GPR39: variants seen among roughly 807,000 people sequenced by gnomAD.
GPR39 encodes G protein-coupled receptor 39, also known as zinc sensing receptor.
Under a neutral mutation model 18.4 loss-of-function variants are expected in GPR39, and 23 were observed. The ratio of observed to expected loss-of-function variants is 1.25; its 90% CI spans 0.90 to 1.77. The LOEUF (loss-of-function observed/expected upper bound fraction) is 1.77. Ranked by LOEUF, GPR39 falls within the 40% of genes most tolerant of loss-of-function variation. The probability of loss-of-function intolerance (pLI) is 0.00; values close to 1 mark genes in which losing one functional copy is unlikely to be tolerated. For synonymous variants in GPR39, 280 were observed against 257.9 expected (o/e 1.09, Z -0.82); for missense variants, 647 against 602.4 (o/e 1.07, Z -0.78).
At chr2:132,454,381 G>T (rs974313754) in intron 1 of GPR39, among the ~76,000 whole-genome samples, 6 of 152,166 alleles carry the variant, frequency 3.9e-5, no homozygotes, top group Admixed American at 1.3e-4. Context: ...GAGATTTTGG[G>T]CTGAGATGAT....
intron 1 of GPR39, among the ~76,000 whole-genome samples, chr2:132,617,941 A>C (rs188160422): frequency 3.3e-5 from 5 of 152,200 alleles, no homozygotes; most frequent in Non-Finnish European, 7.3e-5. Context: ...GGCCAGCTCC[A>C]AAAGTCAGAA....
chr2:132,604,331 G>A (rs1201046879), intron 1 of GPR39: 4 of 152,158 alleles, frequency 2.6e-5, no homozygotes, highest in African/African-American at 7.2e-5. Flanking sequence ...TTAAACTACC[G>A]AAGCTCTGAG....
At chr2:132,635,659 T>C (rs556065002) in intron 1 of GPR39, among the ~76,000 whole-genome samples, 8 of 152,138 alleles carry the variant, frequency 5.3e-5, no homozygotes, top group African/African-American at 1.7e-4. Context: ...TAGCAGGTCA[T>C]GGGGCCTGGG....
intron 1 of GPR39, among the ~76,000 whole-genome samples, chr2:132,424,534 T>A (rs1224292868): frequency 6.6e-6 from 1 of 152,144 alleles, no homozygotes; most frequent in Admixed American, 6.5e-5. Flanking sequence ...AGCCAGACTT[T>A]GTGAAGGATG....
chr2:132,462,347 TTTTGCAGGC>T (rs146768210), intron 1 of GPR39, among the ~76,000 whole-genome samples: 5,585 of 152,182 alleles, frequency 0.037, 315 homozygotes, highest in African/African-American at 0.12. Context: ...GTTTGAATAA[TTTTGCAGGC>T]TGGCACAGAA....
intron 1 of GPR39, among the ~76,000 whole-genome samples, chr2:132,641,234 G>T (rs1240960247): frequency 6.6e-6 from 1 of 152,216 alleles, no homozygotes; most frequent in Non-Finnish European, 1.5e-5. Context: ...ATGATTTAGA[G>T]TTCCCTTATA....
chr2:132,627,061 T>A (rs1681558099), intron 1 of GPR39, among the ~76,000 whole-genome samples: 8 of 152,148 alleles, frequency 5.3e-5, no homozygotes, highest in Admixed American at 5.2e-4. Flanking sequence ...AGGCTTGTTT[T>A]CCTGGTTTAG....
chr2:132,494,568 T>C (rs928751449), intron 1 of GPR39, among the ~76,000 whole-genome samples: 2 of 152,144 alleles, frequency 1.3e-5, no homozygotes, highest in African/African-American at 4.8e-5. Context: ...AGCAGCCGAA[T>C]TGTTTTCATC....
intron 1 of GPR39, among the ~76,000 whole-genome samples, chr2:132,605,315 G>A (rs1681115048): frequency 6.6e-6 from 1 of 152,192 alleles, no homozygotes; most frequent in Non-Finnish European, 1.5e-5. Context: ...AAGAGGAGAT[G>A]AGTAGACATC....
chr2:132,502,119 C>A (rs1256928387), intron 1 of GPR39, among the ~76,000 whole-genome samples: 1 of 152,050 alleles, frequency 6.6e-6, no homozygotes, highest in African/African-American at 2.4e-5. Flanking sequence ...ATTCATCGTG[C>A]TATTTGTTGC....
At chr2:132,638,560 T>C (rs1245265277) in intron 1 of GPR39, among the ~76,000 whole-genome samples, 1 of 152,236 alleles carries the variant, frequency 6.6e-6, no homozygotes, top group Non-Finnish European at 1.5e-5. Context: ...GAGAATTCTG[T>C]CTCAGCCGTT....
intron 1 of GPR39, among the ~76,000 whole-genome samples, chr2:132,483,420 G>A (rs142096637): frequency 8.5e-5 from 13 of 152,362 alleles, no homozygotes; most frequent in African/African-American, 3.1e-4. Flanking sequence ...TGTTGGGCAG[G>A]CTGGGCAGCC....
chr2:132,645,095 GC>G lies in GPR39; in HGVS notation c.857-3del. 1 of 1,609,314 alleles carries G rather than the reference GC, an allele frequency of 6.2e-7. No homozygotes were observed. Among genetic ancestry groups the G allele is most frequent in the South Asian group, 1.1e-5 (1 of 90,132 alleles). ...CTGTCTCTCCCTCCTGCTCGTGTCT[GC>G]CCAGGGCTGATTGTTGTGACATTGG... On this transcript the variant is annotated splice_region_variant and splice_polypyrimidine_tract_variant and intron_variant, in intron 1 of 1. Transcript: ENST00000329321.
At position 132,552,291 on chromosome 2, in the gene GPR39, C is replaced by T. The variant is rs1349475960; in HGVS notation, c.857-92810C>T. On this transcript the variant is annotated intron_variant, in intron 1 of 1. Transcript: ENST00000329321. ...GTCGGAGGTGTTTGGGTCATGGGGG[C>T]GGATCCCTCATGGCTTGCTGCTGTC... Among the ~76,000 whole-genome samples, 10 of 152,104 alleles carry T rather than the reference C, an allele frequency of 6.6e-5. No homozygotes were observed. In the South Asian group the frequency reaches 1.2e-3, roughly 19 times the overall value.
chr2:132,631,824 CT>C (rs796381645), intron 1 of GPR39, among the ~76,000 whole-genome samples: 226 of 141,714 alleles, frequency 1.6e-3, no homozygotes, highest in Middle Eastern at 3.7e-3. Flanking sequence ...TCTTCTTCTT[CT>C]TTTTTTTTTT....
At chr2:132,621,176 G>C (rs1681434635) in intron 1 of GPR39, among the ~76,000 whole-genome samples, 1 of 152,138 alleles carries the variant, frequency 6.6e-6, no homozygotes, top group South Asian at 2.1e-4. Context: ...CCCATCCCTA[G>C]AGTCCCTCTC....
At chr2:132,492,955 CAT>C (rs528423272) in intron 1 of GPR39, among the ~76,000 whole-genome samples, 58 of 137,986 alleles carry the variant, frequency 4.2e-4, no homozygotes, top group East Asian at 3.5e-3. Flanking sequence ...ATATATACAC[CAT>C]ATATATACAC....
rs192456177 is a variant in GPR39 at position 132,578,233 on chromosome 2, G to A, written c.857-66868G>A. ...ATCAGCCTTGCATCCCTTGAAAAACGCTTACTGCTCATGATGCACAATTCT... is the reference window on the plus strand; with the variant it reads ...ATCAGCCTTGCATCCCTTGAAAAACACTTACTGCTCATGATGCACAATTCT... On this transcript the variant is annotated intron_variant, in intron 1 of 1. Coordinates refer to ENST00000329321, the MANE Select transcript of GPR39 (RefSeq NM_001508.3). Among the ~76,000 whole-genome samples, 37 of 152,004 alleles carry A rather than the reference G, an allele frequency of 2.4e-4. No individual in the cohort carries two copies. The Middle Eastern group carries it at 0.01, about 42-fold the overall frequency.
At chr2:132,552,847 C>A (rs1344107386) in intron 1 of GPR39, among the ~76,000 whole-genome samples, 1 of 141,758 alleles carries the variant, frequency 7.1e-6, no homozygotes, top group Non-Finnish European at 1.5e-5. Flanking sequence ...TATATATATA[C>A]ACACATATAT....
Sources: allele counts gnomAD v4.1 joint callset (sites outside exome capture counted in the v4.1 genomes callset), GRCh38; gene constraint gnomAD v4.1.1; transcripts MANE v1.5; gene names NCBI Gene and HGNC (gene_info 2026-07-23, HGNC 2026-07-21).